Variants in C5 observed in about 807,000 individuals in gnomAD.
C5 encodes the protein complement C5.
A neutral mutation model predicts 218.8 loss-of-function variants in C5; 140 were observed. The ratio of observed to expected loss-of-function variants is 0.64; its 90% CI spans 0.56 to 0.74. C5 has a LOEUF of 0.74. Among genes scored for constraint, C5 ranks in the 30% least tolerant of loss-of-function variants. C5 has a pLI of 0.00. For synonymous variants in C5, 614 were observed against 682.3 expected, an observed-to-expected ratio of 0.90 and a Z score of 1.56; for missense variants, 1,700 against 1,969.6, an observed-to-expected ratio of 0.86 and a Z score of 2.59.
At chr9:121,029,861 C>T (rs1401255396) in intron 7 of C5, among the ~76,000 whole-genome samples, 1 of 152,146 alleles carries the variant, frequency 6.6e-6, no homozygotes, top group East Asian at 1.9e-4. Flanking sequence ...CACTTTTAGC[C>T]CCATCCAACT....
At chr9:121,023,309 T>A (rs1354820224) in intron 10 of C5, 95 bp downstream of exon 10, 6 of 836,664 alleles carry the variant, frequency 7.2e-6, no homozygotes, top group Non-Finnish European at 1.1e-5. Context: ...TGTGACTTCA[T>A]GGCAACATTC....
chr9:121,056,828 A>G, the C5 span, among the ~76,000 whole-genome samples: 1 of 152,206 alleles, frequency 6.6e-6, no homozygotes, highest in Non-Finnish European at 1.5e-5. Context: ...CAAGGAAATG[A>G]TAACAGACAA....
At chr9:120,982,016 T>C in intron 26 of C5, 77 bp from the exon 27 acceptor site, 1 of 952,896 alleles carries the variant, frequency 1.0e-6, no homozygotes, top group Admixed American at 1.9e-5. Context: ...ACTCTGTTTT[T>C]TGTTTGTTTG....
chr9:121,065,254 C>T, the C5 span, among the ~76,000 whole-genome samples: 1,685 of 152,216 alleles, frequency 0.011, 27 homozygotes, highest in African/African-American at 0.038. Context: ...GTCCTCCTTT[C>T]AGTTTATAAA....
At chr9:121,009,204 T>TA (rs2047241490) in intron 17 of C5, among the ~76,000 whole-genome samples, 1 of 152,196 alleles carries the variant, frequency 6.6e-6, no homozygotes, top group African/African-American at 2.4e-5. Flanking sequence ...TTTACTTTAA[T>TA]AAAAATGGAC....
chr9:121,032,545 A>G (rs41261945), intron 5 of C5, among the ~76,000 whole-genome samples: 251 of 152,370 alleles, frequency 1.6e-3, no homozygotes, highest in Non-Finnish European at 2.7e-3. Flanking sequence ...TCCAAAATAC[A>G]GTACAAAATC....
chr9:121,054,578 C>G (rs1419925435), upstream of C5, among the ~76,000 whole-genome samples: 1 of 152,112 alleles, frequency 6.6e-6, no homozygotes, highest in Non-Finnish European at 1.5e-5. Context: ...CCAGCCTGGG[C>G]AACGAGAGCA....
chr9:120,982,594 G>A, intron 26 of C5, 61 bp downstream of exon 26: 2 of 1,294,404 alleles, frequency 1.5e-6, no homozygotes, highest in African/African-American at 1.5e-5. Flanking sequence ...CCCATAATCA[G>A]ATGAGAATAA....
At chr9:121,024,701 C>A (rs116503664) in intron 9 of C5, among the ~76,000 whole-genome samples, 22 of 152,278 alleles carry the variant, frequency 1.4e-4, no homozygotes, top group African/African-American at 4.3e-4. Context: ...TTCTTGCTTG[C>A]TCAACAATCA....
chr9:120,957,908 A>G (rs1422132111), intron 38 of C5, among the ~76,000 whole-genome samples: 1 of 152,246 alleles, frequency 6.6e-6, no homozygotes, highest in Non-Finnish European at 1.5e-5. Flanking sequence ...AGAGCTGCCT[A>G]CAATCCTGTT....
chr9:121,043,574 C>T (rs2047599432), intron 2 of C5, among the ~76,000 whole-genome samples: 1 of 151,948 alleles, frequency 6.6e-6, no homozygotes, highest in Admixed American at 6.6e-5. Flanking sequence ...ACTCTGTTGC[C>T]CAGGCTGGAA....
chr9:120,972,876 T>C (rs1357312211), intron 30 of C5, among the ~76,000 whole-genome samples: 2 of 152,172 alleles, frequency 1.3e-5, no homozygotes, highest in African/African-American at 4.8e-5. Flanking sequence ...TTCTCCCTGA[T>C]AGAATATAGC....
chr9:121,018,658 A>G (rs1198887199), intron 12 of C5, among the ~76,000 whole-genome samples: 1 of 111,144 alleles, frequency 9.0e-6, no homozygotes, highest in Non-Finnish European at 1.9e-5. Flanking sequence ...AAAGAAAGAA[A>G]GAAGGAAGGA....
At chr9:121,040,165 A>T (rs114307904) in intron 3 of C5, among the ~76,000 whole-genome samples, 1,680 of 152,338 alleles carry the variant, frequency 0.011, 27 homozygotes, top group African/African-American at 0.038. Flanking sequence ...CTTTAGAAGG[A>T]TCTGTGATGA....
intron 2 of C5, among the ~76,000 whole-genome samples, chr9:121,044,728 G>A (rs1204734382): frequency 6.6e-6 from 1 of 152,162 alleles, no homozygotes; most frequent in East Asian, 1.9e-4. Context: ...GGTCAGCACT[G>A]TTCAGAGAAC....
rs1018985112 is a variant in C5, at chr9:120,974,658, A to G, written c.4017+121T>C. On this transcript the variant is annotated intron_variant, in intron 30 of 40. Transcript: ENST00000223642. ...TATAGCAGGCATCCCTGTTTAGGAC[A>G]TAGCTGACACTCAATATATGTTTAA... 41 of 959,120 alleles carry G rather than the reference A, an allele frequency of 4.3e-5. No individual in the cohort carries two copies. In the African/African-American group the frequency reaches 6.6e-4, roughly 15 times the overall value. The allele number at this position is 959,120 out of a possible 1,614,324, so 59.4% of individuals were successfully genotyped here. A position where few individuals can be genotyped will look rare whatever the true frequency, so the allele number is the denominator to read the frequency against.
chr9:120,979,416 A>G (rs2046975622), intron 28 of C5: 1 of 152,198 alleles, frequency 6.6e-6, no homozygotes, highest in South Asian at 2.1e-4. Context: ...CTATTCATAA[A>G]GCTTTATTTA....
At chr9:120,968,945 A>G in intron 33 of C5, 116 bp downstream of exon 33, 3 of 858,520 alleles carry the variant, frequency 3.5e-6, no homozygotes, top group Non-Finnish European at 6.0e-6. Flanking sequence ...TTTTTAAACA[A>G]TTGAACAATT....
At chr9:121,002,341 T>TATATATATATATATATATAC (rs1265139485) in intron 20 of C5, among the ~76,000 whole-genome samples, 1 of 72,638 alleles carries the variant, frequency 1.4e-5, no homozygotes, top group African/African-American at 4.1e-5. Context: ...TATATATATA[T>TATATATATATATATATATAC]ACACACATAC....
Sources: gnomAD v4.1 joint callset for allele counts (sites outside exome capture counted in the v4.1 genomes callset) on GRCh38, gnomAD v4.1.1 for gene constraint, MANE v1.5 for transcripts, NCBI Gene and HGNC (gene_info 2026-07-23, HGNC 2026-07-21) for gene names.